Variants in STX8 observed in about 807,000 individuals in gnomAD.
STX8 encodes the protein syntaxin 8, also known as syntaxin-8.
In STX8, 23 loss-of-function variants were observed where a neutral mutation model predicts 37.5. The observed-to-expected ratio is 0.61, with a 90% CI of 0.44 to 0.87. The LOEUF (loss-of-function observed/expected upper bound fraction) is 0.87. STX8 is among the 40% of genes least tolerant of loss of function. The pLI is 0.00. For synonymous variants in STX8, 115 were observed against 99.1 expected (o/e 1.16, Z -0.95); for missense variants, 313 against 284.7 (o/e 1.10, Z -0.71).
intron 6 of STX8, among the ~76,000 whole-genome samples, chr17:9,402,358 T>C (rs1015116179): frequency 6.6e-6 from 1 of 152,136 alleles, no homozygotes; most frequent in African/African-American, 2.4e-5. Context: ...TGATCTCAGG[T>C]GATCTGCCCG....
intron 6 of STX8, among the ~76,000 whole-genome samples, chr17:9,461,720 T>G (rs1375267248): frequency 6.6e-6 from 1 of 152,112 alleles, no homozygotes. Context: ...TCAAGCATAT[T>G]ACATTTATCG....
chr17:9,400,770 G>A (rs569908484), intron 6 of STX8, among the ~76,000 whole-genome samples: 24 of 152,324 alleles, frequency 1.6e-4, no homozygotes, highest in African/African-American at 5.5e-4. Flanking sequence ...TTATAAAAAT[G>A]TACAGTGGTT....
At chr17:9,314,555 A>G (rs1597599560) in intron 7 of STX8, among the ~76,000 whole-genome samples, 1 of 146,852 alleles carries the variant, frequency 6.8e-6, no homozygotes, top group African/African-American at 2.5e-5. Flanking sequence ...CCCCACTCCC[A>G]TGCCCGGCTA....
At chr17:9,479,829 C>T (rs1332592196) in intron 6 of STX8, among the ~76,000 whole-genome samples, 2 of 144,432 alleles carry the variant, frequency 1.4e-5, no homozygotes, top group South Asian at 4.2e-4. Flanking sequence ...CTCCTGGCCC[C>T]CTCCTGCCAG....
At chr17:9,528,350 T>A (rs1232210711) in intron 4 of STX8, among the ~76,000 whole-genome samples, 2 of 152,158 alleles carry the variant, frequency 1.3e-5, no homozygotes, top group African/African-American at 4.8e-5. Context: ...CAGGCTGGAG[T>A]GCAGTGGCGC....
At chr17:9,470,838 T>C (rs537731899) in intron 6 of STX8, among the ~76,000 whole-genome samples, 2 of 151,084 alleles carry the variant, frequency 1.3e-5, no homozygotes, top group East Asian at 2.0e-4. Context: ...ACCATTCTCC[T>C]GCCTCAGCCT....
At chr17:9,454,417 G>A (rs930931835) in intron 6 of STX8, among the ~76,000 whole-genome samples, 2 of 152,186 alleles carry the variant, frequency 1.3e-5, no homozygotes, top group South Asian at 2.1e-4. Context: ...GGTGGCTCAC[G>A]CCTGTAATCC....
intron 6 of STX8, among the ~76,000 whole-genome samples, chr17:9,448,603 T>C (rs73973765): frequency 0.059 from 9,014 of 151,966 alleles, 707 homozygotes; most frequent in African/African-American, 0.17. Context: ...AGGAGTTCAA[T>C]GTTAACCCAC....
intron 7 of STX8, among the ~76,000 whole-genome samples, chr17:9,341,638 T>C (rs1173789405): frequency 6.6e-6 from 1 of 152,146 alleles, no homozygotes; most frequent in Non-Finnish European, 1.5e-5. Flanking sequence ...GGTTTCACCA[T>C]GTAGGCCAGG....
At chr17:9,516,297 T>C (rs1444502656) in intron 4 of STX8, among the ~76,000 whole-genome samples, 42 of 26,244 alleles carry the variant, frequency 1.6e-3, no homozygotes, top group Middle Eastern at 0.021. Flanking sequence ...AGAACCACAG[T>C]CATATATATA....
chr17:9,288,675 AAAATAAAT>A (rs560148486), intron 7 of STX8, among the ~76,000 whole-genome samples: 29 of 151,042 alleles, frequency 1.9e-4, no homozygotes, highest in East Asian at 3.9e-4. Context: ...ATAAATAAAT[AAAATAAAT>A]AAATAAATAA....
At chr17:9,318,876 C>T (rs1909474237) in intron 7 of STX8, among the ~76,000 whole-genome samples, 1 of 152,086 alleles carries the variant, frequency 6.6e-6, no homozygotes, top group Non-Finnish European at 1.5e-5. Context: ...AGAATAATCA[C>T]ACAGGATAAC....
chr17:9,427,243 A>G (rs1180034468), intron 6 of STX8, among the ~76,000 whole-genome samples: 1 of 152,098 alleles, frequency 6.6e-6, no homozygotes, highest in African/African-American at 2.4e-5. Context: ...GGCCCATGAG[A>G]TCTATCACAC....
At chr17:9,466,691 A>C (rs1401165038) in intron 6 of STX8, among the ~76,000 whole-genome samples, 3 of 152,126 alleles carry the variant, frequency 2.0e-5, no homozygotes, top group Non-Finnish European at 4.4e-5. Flanking sequence ...CCTGTGTCCA[A>C]TATGCCCTCT....
intron 7 of STX8, among the ~76,000 whole-genome samples, chr17:9,275,114 T>C (rs566802934): frequency 6.6e-5 from 10 of 152,132 alleles, no homozygotes; most frequent in Non-Finnish European, 1.2e-4. Context: ...ACTTGACTGT[T>C]CAAGTTAAGG....
intron 7 of STX8, among the ~76,000 whole-genome samples, chr17:9,253,686 T>TCTGA (rs1906677004): frequency 6.6e-6 from 1 of 151,996 alleles, no homozygotes; most frequent in African/African-American, 2.4e-5. Context: ...CTCCTGAAGC[T>TCTGA]CCAGTGGGAT....
At chr17:9,534,363 CAAAT>C (rs1905943855) in intron 4 of STX8, among the ~76,000 whole-genome samples, 1 of 150,704 alleles carries the variant, frequency 6.6e-6, no homozygotes, top group Admixed American at 6.6e-5. Context: ...AACAAACAAA[CAAAT>C]CCCACAATCT....
chr17:9,533,233 C>T (rs1353900103), intron 4 of STX8, among the ~76,000 whole-genome samples: 3 of 152,064 alleles, frequency 2.0e-5, no homozygotes, highest in South Asian at 2.1e-4. Flanking sequence ...TTTCGGTGGC[C>T]GAGGCAGGTG....
chr17:9,559,685 T>C (rs1158451050), intron 2 of STX8, among the ~76,000 whole-genome samples: 1 of 145,778 alleles, frequency 6.9e-6, no homozygotes, highest in Non-Finnish European at 1.5e-5. Flanking sequence ...AGATTGATAA[T>C]AGTCTACTTG....
Sources: allele counts gnomAD v4.1 joint callset (sites outside exome capture counted in the v4.1 genomes callset), GRCh38; gene constraint gnomAD v4.1.1; transcripts MANE v1.5; gene names NCBI Gene and HGNC (gene_info 2026-07-23, HGNC 2026-07-21).